The following TMC1 variants were observed in gnomAD, a reference collection of about 807,000 sequenced individuals.
The protein encoded by TMC1 is transmembrane channel-like protein 1.
Under a neutral mutation model 105.8 loss-of-function variants are expected in TMC1, and 84 were observed. The observed-to-expected ratio is 0.79, with a 90% confidence interval of 0.67 to 0.95. The LOEUF (loss-of-function observed/expected upper bound fraction) is 0.95. Ranked by LOEUF, TMC1 falls within the 40% of genes least tolerant of loss-of-function variation. The pLI is 0.00. For synonymous variants in TMC1, 315 were observed against 311.5 expected (o/e 1.01, Z -0.12); for missense variants, 817 against 914.1 (o/e 0.89, Z 1.37).
At chr9:72,628,473 T>C in intron 4 of TMC1, 1 of 175,634 alleles carries the variant, frequency 5.7e-6, no homozygotes, top group Non-Finnish European at 1.2e-5. Context: ...TTTCGGAGGG[T>C]TTCTGGTGTG....
intron 5 of TMC1, among the ~76,000 whole-genome samples, chr9:72,684,772 C>T (rs113511079): frequency 6.6e-5 from 10 of 152,286 alleles, no homozygotes; most frequent in Non-Finnish European, 1.2e-4. Flanking sequence ...AGTCTTCCAT[C>T]TTCTTTTCCT....
chr9:72,830,387 T>C, intron 21 of TMC1, 64 bp from the exon 22 acceptor site: 1 of 1,091,764 alleles, frequency 9.2e-7, no homozygotes, highest in Non-Finnish European at 1.4e-6. Context: ...TTAATGTAAA[T>C]TTAAGAAGTA....
chr9:72,641,810 CTTTTTTTTTTT>C (rs896125209), intron 4 of TMC1, among the ~76,000 whole-genome samples: 26 of 87,000 alleles, frequency 3.0e-4, no homozygotes, highest in African/African-American at 1.1e-3. Context: ...AGTCCCAAAT[CTTTTTTTTTTT>C]TTTTTTTTTT....
At chr9:72,613,691 G>A (rs1324336610) in intron 2 of TMC1, among the ~76,000 whole-genome samples, 4 of 152,022 alleles carry the variant, frequency 2.6e-5, no homozygotes, top group Admixed American at 6.6e-5. Flanking sequence ...TGTGGGGGTC[G>A]GAGATGAGTG....
chr9:72,821,151 T>C lies in TMC1; in HGVS notation c.2003+70T>C, dbSNP rs1031187657. ...GGGTGGAGGTGGGAATGGTCATTCA[T>C]TGTATAAGCTATTTTTTCCCCCCAA... On this transcript the variant is annotated intron_variant, in intron 20 of 23. Coordinates refer to ENST00000297784, the MANE Select transcript of TMC1 (RefSeq NM_138691.3). 4 of 1,604,638 alleles carry C rather than the reference T, an allele frequency of 2.5e-6. No homozygotes were observed. In the African/African-American group the frequency reaches 5.4e-5, roughly 21 times the overall value.
At chr9:72,677,845 G>A (rs1460909773) in intron 5 of TMC1, among the ~76,000 whole-genome samples, 1 of 152,058 alleles carries the variant, frequency 6.6e-6, no homozygotes, top group African/African-American at 2.4e-5. Context: ...AGCATCTGCC[G>A]TGTTAACACT....
chr9:72,670,534 A>C (rs546975640), intron 5 of TMC1, among the ~76,000 whole-genome samples: 40 of 152,286 alleles, frequency 2.6e-4, no homozygotes, highest in Non-Finnish European at 4.3e-4. Flanking sequence ...GAATATAAAG[A>C]AGCATGAAAA....
chr9:72,753,909 C>T lies in TMC1; in HGVS notation c.643-877C>T, dbSNP rs78094155. ...TCTGGAACCCACCTTCTATTCTGTT[C>T]GGACCAGGAAGCCAGATGGGCCAAA... On this transcript the variant is annotated intron_variant, in intron 11 of 23. Transcript: ENST00000297784. Among the ~76,000 whole-genome samples the T allele has an allele frequency of 1.0e-3, 157 of 152,212 alleles. 5 individuals carry two copies. In the East Asian group the frequency reaches 0.028, roughly 27 times the overall value.
intron 18 of TMC1, among the ~76,000 whole-genome samples, chr9:72,815,075 C>T (rs905878293): frequency 2.0e-5 from 3 of 151,986 alleles, no homozygotes; most frequent in African/African-American, 4.8e-5. Context: ...CCTCTCATTT[C>T]GTATTTACTG....
At chr9:72,577,410 G>A (rs1824401748) in intron 1 of TMC1, among the ~76,000 whole-genome samples, 1 of 152,198 alleles carries the variant, frequency 6.6e-6, no homozygotes, top group Admixed American at 6.5e-5. Flanking sequence ...AACTCTCAGG[G>A]CACTTACTAT....
chr9:72,826,991 T>C lies in TMC1; in HGVS notation c.2126T>C (p.Met709Thr). Residue 709 changes from methionine (M) to threonine (T), a missense_variant, in exon 21 of 24, where the codon ATG becomes ACG. Coordinates refer to ENST00000297784, the MANE Select transcript of TMC1 (RefSeq NM_138691.3). ...PGLVIAVILV[M>T]VLAIYYLNAT... is the part of the protein sequence containing the mutation. ...CTGGTCATTGCTGTCATTTTGGTGA[T>C]GGTGTATGTGCTTTTCCTCCTCATA... 13 of 1,613,994 alleles carry C rather than the reference T, an allele frequency of 8.1e-6. No homozygotes were observed. Among genetic ancestry groups the C allele is most frequent in the Non-Finnish European group, 1.1e-5 (13 of 1,179,876 alleles).
chr9:72,570,903 G>A (rs1241090502), intron 1 of TMC1, among the ~76,000 whole-genome samples: 2 of 149,442 alleles, frequency 1.3e-5, no homozygotes, highest in South Asian at 2.1e-4. Flanking sequence ...TGGCCAGGCT[G>A]GTCTCGAACT....
intron 2 of TMC1, among the ~76,000 whole-genome samples, chr9:72,614,928 C>T (rs1421821706): frequency 6.6e-6 from 1 of 152,182 alleles, no homozygotes; most frequent in African/African-American, 2.4e-5. Context: ...AATCCACCCG[C>T]CTTGGCTTCC....
intron 5 of TMC1, among the ~76,000 whole-genome samples, chr9:72,650,875 T>TATATATAG (rs1225943858): frequency 7.5e-6 from 1 of 133,534 alleles, no homozygotes; most frequent in East Asian, 2.0e-4. Context: ...GTGTATTTTA[T>TATATATAG]ATATATAGAT....
intron 2 of TMC1, among the ~76,000 whole-genome samples, chr9:72,584,371 T>C (rs1171823941): frequency 6.6e-6 from 1 of 151,246 alleles, no homozygotes; most frequent in African/African-American, 2.4e-5. Context: ...GCTCAAACCA[T>C]CCTTCCACAT....
At chr9:72,614,678 A>G (rs1335764600) in intron 2 of TMC1, among the ~76,000 whole-genome samples, 1 of 152,132 alleles carries the variant, frequency 6.6e-6, no homozygotes, top group African/African-American at 2.4e-5. Flanking sequence ...TTATTACAGG[A>G]TAACTTTTTC....
At chr9:72,643,782 G>A (rs773826523) in intron 4 of TMC1, among the ~76,000 whole-genome samples, 1 of 152,080 alleles carries the variant, frequency 6.6e-6, no homozygotes, top group Admixed American at 6.5e-5. Flanking sequence ...ATTTCTCTTG[G>A]GTAAATGTCT....
chr9:72,561,346 AGAG>A (rs1564411174), intron 1 of TMC1, among the ~76,000 whole-genome samples: 37 of 146,516 alleles, frequency 2.5e-4, no homozygotes, highest in African/African-American at 7.3e-4. Flanking sequence ...AAAAAGAGAG[AGAG>A]AAAATAACTC....
chr9:72,656,190 C>T (rs950361063), intron 5 of TMC1: 40 of 559,290 alleles, frequency 7.2e-5, no homozygotes, highest in Non-Finnish European at 1.2e-4. Flanking sequence ...CCTTAAAAGC[C>T]ATCACTGCTG....
Sources: allele counts gnomAD v4.1 joint callset (sites outside exome capture counted in the v4.1 genomes callset), GRCh38; gene constraint gnomAD v4.1.1; transcripts MANE v1.5; gene names NCBI Gene and HGNC (gene_info 2026-07-23, HGNC 2026-07-21).